GPR15: variants seen among roughly 807,000 people sequenced by gnomAD.
GPR15 encodes the protein brother of Bonzo.
A neutral mutation model predicts 19.3 loss-of-function variants in GPR15; 16 were observed. The ratio of observed to expected loss-of-function variants is 0.83; its 90% CI spans 0.56 to 1.26. The LOEUF is 1.26. Ranked by LOEUF, GPR15 falls within the 50% of genes most tolerant of loss-of-function variation. The pLI is 0.00. For missense variants in GPR15, 458 were observed against 429.4 expected (o/e 1.07, Z -0.59); for synonymous variants, 170 against 171.2 (o/e 0.99, Z 0.05).
chr3:98,532,979 T>C lies in GPR15; in HGVS notation c.946T>C (p.Cys316Arg). 2.5e-6 allele frequency: 4 copies of C among 1,614,138 alleles called. No homozygotes were observed. Among genetic ancestry groups the C allele is most frequent in the Non-Finnish European group, 3.4e-6 (4 of 1,180,030 alleles). Residue 316 changes from cysteine to arginine, a missense_variant, in exon 1 of 1, where the codon TGC becomes CGC. Coordinates refer to ENST00000284311, the MANE Select transcript of GPR15 (RefSeq NM_005290.4). ...CTACATCCGCCGGGCCATTGTCCAC[T>C]GCTTGTGCCCTTGCCTGAAAAACTA... is the stretch of plus-strand genomic sequence containing the variant. The part of the protein sequence containing the change: ...DSYIRRAIVH[C>R]LCPCLKNYDF...
At position 98,534,436 on chromosome 3, in the gene GPR15, T is replaced by C. The variant is rs1706682081; in HGVS notation, c.*1320T>C. ...TATGTTTTTACCTCCACTGTTGACT[T>C]GAATGAATTACCATTTTACTTCTAA... On this transcript the variant is annotated 3_prime_UTR_variant, in exon 1 of 1. Transcript: ENST00000284311. Among the ~76,000 whole-genome samples the C allele has an allele frequency of 6.6e-6, 1 of 152,206 alleles. No individual in the cohort carries two copies. The highest frequency in any genetic ancestry group is 1.5e-5 in the Non-Finnish European group (1 of 68,020).
Position 98,532,671 on chromosome 3 carries a change from C to CA in GPR15, c.638_639insA (p.Cys214LeufsTer112). 6.2e-7 allele frequency: 1 copy of CA among 1,614,150 alleles called. No individual in the cohort carries two copies. The highest frequency in any genetic ancestry group is 8.5e-7 in the Non-Finnish European group (1 of 1,180,026). On this transcript the variant is annotated frameshift_variant, in exon 1 of 1. Transcript: ENST00000284311. LOFTEE classifies it high-confidence loss of function. ...TTTGTCCCTTTGTTGAGCATTGTGA[C>CA]CTGCTACTGTTGCATTGCAAGGAAG... is the stretch of plus-strand genomic sequence containing the variant.
Position 98,532,047 on chromosome 3 carries a change from A to T in GPR15, c.14A>T (p.Glu5Val), listed in dbSNP as rs1706641091. Residue 5 changes from glutamate to valine, a missense_variant, in exon 1 of 1, where the codon GAA becomes GTA. Transcript: ENST00000284311. MDPE[E>V]TSVYLDYYYA... Reference sequence around the variant, plus strand: ...TGCTCTTTGGTGATGGACCCAGAAGAAACTTCAGTTTATTTGGATTATTAC... The same window carrying T: ...TGCTCTTTGGTGATGGACCCAGAAGTAACTTCAGTTTATTTGGATTATTAC... 1 of 1,606,554 alleles carries T rather than the reference A, an allele frequency of 6.2e-7. No individual in the cohort carries two copies. Among genetic ancestry groups the T allele is most frequent in the Non-Finnish European group, 8.5e-7 (1 of 1,174,372 alleles).
rs1193977036 is a variant in GPR15 at position 98,532,013 on chromosome 3, T to A, written c.-21T>A. The A allele has an allele frequency of 1.9e-6, 3 of 1,580,280 alleles. No individual in the cohort carries two copies. In the East Asian group the frequency reaches 6.8e-5, roughly 36 times the overall value. ...ATCATATGTAAGTAAACTCACCAGA[T>A]TTGGCATCTGCTCTTTGGTGATGGA... On this transcript the variant is annotated 5_prime_UTR_variant, in exon 1 of 1. Transcript: ENST00000284311.
chr3:98,533,217 A>AT lies in GPR15; in HGVS notation c.*101_*102insT. On this transcript the variant is annotated 3_prime_UTR_variant, in exon 1 of 1. Coordinates refer to ENST00000284311, the MANE Select transcript of GPR15 (RefSeq NM_005290.4). ...AATGATAGGATTCACATTGCTTCATAGATGCAAGGAAGAGTTCATTTTTAA... is the reference window on the plus strand; with the variant it reads ...AATGATAGGATTCACATTGCTTCATATGATGCAAGGAAGAGTTCATTTTTAA... 7 of 1,250,062 alleles carry AT rather than the reference A, an allele frequency of 5.6e-6. No homozygotes were observed. The highest frequency in any genetic ancestry group is 7.7e-6 in the Non-Finnish European group (7 of 913,940). 77.4% of individuals were successfully genotyped at this position (1,250,062 alleles called of 1,614,324 possible).
Position 98,532,737 on chromosome 3 carries a change from A to G in GPR15, c.704A>G (p.Lys235Arg). 6.2e-7 allele frequency: 1 copy of G among 1,614,060 alleles called. No individual in the cohort carries two copies. The change falls in exon 1 of 1, where the codon AAG becomes AGG. Residue 235 changes from lysine to arginine, a missense_variant. Transcript: ENST00000284311. ...HYQQSGKHNK[K>R]LKKSIKIIFI... is the part of the protein sequence containing the mutation. ...CAGCAATCAGGAAAGCACAACAAAA[A>G]GCTGAAGAAATCTATAAAGATCATC...
rs931537561 is a variant in GPR15, at chr3:98,534,413, T to C, written c.*1297T>C. Among the ~76,000 whole-genome samples, 1 of 152,210 alleles carries C rather than the reference T, an allele frequency of 6.6e-6. No homozygotes were observed. The highest frequency in any genetic ancestry group is 2.4e-5 in the African/African-American group (1 of 41,450). ...TTTTGATTCAAGGGAAAGCGGGTTA[T>C]GTTTTTACCTCCACTGTTGACTTGA... On this transcript the variant is annotated 3_prime_UTR_variant, in exon 1 of 1. Coordinates refer to ENST00000284311, the MANE Select transcript of GPR15 (RefSeq NM_005290.4).
In GPR15 at chr3:98,534,164, C is replaced by T. The variant is rs1173151432; in HGVS notation, c.*1048C>T. On this transcript the variant is annotated 3_prime_UTR_variant, in exon 1 of 1. Transcript: ENST00000284311. ...AGATCCAGTAATATAGGGAGACAGG[C>T]TGCTCTGTATTCAGCCAAAGTAGAA... is the stretch of plus-strand genomic sequence containing the variant. 2.0e-5 allele frequency among the ~76,000 whole-genome samples: 3 copies of T among 152,138 alleles called. No homozygotes were observed. Among genetic ancestry groups the T allele is most frequent in the East Asian group, 1.9e-4 (1 of 5,200 alleles).
rs746047800 is a variant in GPR15 at position 98,532,204 on chromosome 3, G to A, written c.171G>A (p.Ala57=). The change falls in exon 1 of 1, where the codon GCG becomes GCA. Residue 57 remains alanine, a synonymous_variant. Coordinates refer to ENST00000284311, the MANE Select transcript of GPR15 (RefSeq NM_005290.4). The stretch of plus-strand genomic sequence containing the variant: ...TGGGGAACCTTGTTCTCATGGGAGC[G>A]TTGCATTTCAAACCCGGCAGCCGAA... ...GVLGNLVLMG[A]LHFKPGSRRL... The A allele has an allele frequency of 3.1e-6, 5 of 1,613,920 alleles. No individual in the cohort carries two copies. The highest frequency in any genetic ancestry group is 1.1e-5 in the South Asian group (1 of 91,070).
At position 98,532,863 on chromosome 3, in the gene GPR15, C is replaced by T. The variant is rs762768983; in HGVS notation, c.830C>T (p.Ser277Leu). 87 of 1,614,020 alleles carry T rather than the reference C, an allele frequency of 5.4e-5. No individual in the cohort carries two copies. The highest frequency in any genetic ancestry group is 1.6e-4 in the Middle Eastern group (1 of 6,082). Residue 277 changes from serine (S) to leucine (L), a missense_variant, in exon 1 of 1, where the codon TCA (serine) becomes TTA (leucine). By Grantham distance (145) the Ser-to-Leu change is moderately radical. Transcript: ENST00000284311. ...TTGCGGCAAGAACACTATTTACCCT[C>T]AGCTATTCTTCAGCTTGGTATGGAG... ...SGLRQEHYLPSAILQLGMEVS... is the reference protein window; with the variant it reads ...SGLRQEHYLPLAILQLGMEVS...
chr3:98,532,898 C>G lies in GPR15; in HGVS notation c.865C>G (p.Pro289Ala). The G allele has an allele frequency of 6.2e-7, 1 of 1,614,090 alleles. No homozygotes were observed. The highest frequency in any genetic ancestry group is 1.1e-5 in the South Asian group (1 of 91,074). The change falls in exon 1 of 1, where the codon CCC (proline) becomes GCC (alanine). Residue 289 changes from proline to alanine, a missense_variant. Coordinates refer to ENST00000284311, the MANE Select transcript of GPR15 (RefSeq NM_005290.4). ...ILQLGMEVSG[P>A]LAFANSCVNP... ...TCAGCTTGGTATGGAGGTGAGTGGA[C>G]CCTTGGCATTTGCCAACAGCTGTGT...
At position 98,532,428 on chromosome 3, in the gene GPR15, A is replaced by G; in HGVS notation, c.395A>G (p.Tyr132Cys). The change falls in exon 1 of 1, where the codon TAC (tyrosine) becomes TGC (cysteine). Residue 132 changes from tyrosine (Y) to cysteine (C), a missense_variant. By Grantham distance (194) the Tyr-to-Cys change is radical. Coordinates refer to ENST00000284311, the MANE Select transcript of GPR15 (RefSeq NM_005290.4). Reference protein sequence around the residue: ...LLLTCMSVDRYLAIVWPVVSR... With the variant: ...LLLTCMSVDRCLAIVWPVVSR... The stretch of plus-strand genomic sequence containing the variant: ...CTCACTTGCATGAGTGTTGACCGCT[A>G]CCTGGCCATTGTGTGGCCAGTCGTA... The G allele has an allele frequency of 2.5e-6, 4 of 1,614,124 alleles. No homozygotes were observed. Among genetic ancestry groups the G allele is most frequent in the Non-Finnish European group, 2.5e-6 (3 of 1,180,006 alleles).
In GPR15 at chr3:98,532,714, G is replaced by A; in HGVS notation, c.681G>A (p.Gln227=). The A allele has an allele frequency of 1.2e-6, 2 of 1,614,050 alleles. No individual in the cohort carries two copies. The highest frequency in any genetic ancestry group is 1.7e-6 in the Non-Finnish European group (2 of 1,179,972). The change falls in exon 1 of 1, where the codon CAG becomes CAA. Residue 227 remains glutamine, a synonymous_variant. Transcript: ENST00000284311. Reference sequence around the variant, plus strand: ...CAAGGAAGCTGTGTGCCCATTACCAGCAATCAGGAAAGCACAACAAAAAGC... The same window carrying A: ...CAAGGAAGCTGTGTGCCCATTACCAACAATCAGGAAAGCACAACAAAAAGC... ...CIARKLCAHY[Q]QSGKHNKKLK... is the part of the protein sequence containing the mutation.
chr3:98,534,269 T>C lies in GPR15; in HGVS notation c.*1153T>C, dbSNP rs769652710. On this transcript the variant is annotated 3_prime_UTR_variant, in exon 1 of 1. Coordinates refer to ENST00000284311, the MANE Select transcript of GPR15 (RefSeq NM_005290.4). ...AACCTTCTTGAATTCCTTTACCCAA[T>C]AAATATTTATTGAGTCAATTTGTAC... Among the ~76,000 whole-genome samples the C allele has an allele frequency of 4.6e-5, 7 of 152,190 alleles. No individual in the cohort carries two copies. Among genetic ancestry groups the C allele is most frequent in the Non-Finnish European group, 1.0e-4 (7 of 67,998 alleles).
rs748055626 is a variant in GPR15, at chr3:98,532,144, A to G, written c.111A>G (p.Pro37=). ...TTCCTTACACCTCTGTCTTCCTTCCAGTCTTTTACACAGCTGTGTTCCTGA... is the reference window on the plus strand; with the variant it reads ...TTCCTTACACCTCTGTCTTCCTTCCGGTCTTTTACACAGCTGTGTTCCTGA... ...SHVPYTSVFL[P]VFYTAVFLTG... is the part of the protein sequence containing the mutation. Residue 37 remains proline (P), a synonymous_variant, in exon 1 of 1, where the codon CCA becomes CCG. Coordinates refer to ENST00000284311, the MANE Select transcript of GPR15 (RefSeq NM_005290.4). 1.2e-6 allele frequency: 2 copies of G among 1,614,164 alleles called. No individual in the cohort carries two copies. Among genetic ancestry groups the G allele is most frequent in the Non-Finnish European group, 1.7e-6 (2 of 1,180,026 alleles).
At position 98,534,332 on chromosome 3, in the gene GPR15, T is replaced by TG. The variant is rs773055881; in HGVS notation, c.*1216_*1217insG. ...TGAAGACTTTGATGTGAAAAACATG[T>TG]AATTAGTGGCAACCACAAAAGACTC... On this transcript the variant is annotated 3_prime_UTR_variant, in exon 1 of 1. Transcript: ENST00000284311. Among the ~76,000 whole-genome samples the TG allele has an allele frequency of 2.0e-5, 3 of 152,236 alleles. No homozygotes were observed. The highest frequency in any genetic ancestry group is 4.4e-5 in the Non-Finnish European group (3 of 68,028).
rs1706657613 is a variant in GPR15, at chr3:98,532,744, G to T, written c.711G>T (p.Lys237Asn). The change falls in exon 1 of 1, where the codon AAG (lysine) becomes AAT (asparagine). Residue 237 changes from lysine to asparagine, a missense_variant. Lys to Asn is a moderately conservative substitution (Grantham distance 94). Transcript: ENST00000284311. ...CAGGAAAGCACAACAAAAAGCTGAA[G>T]AAATCTATAAAGATCATCTTTATTG... is the stretch of plus-strand genomic sequence containing the variant. ...QQSGKHNKKL[K>N]KSIKIIFIVV... 1 of 1,613,994 alleles carries T rather than the reference G, an allele frequency of 6.2e-7. No individual in the cohort carries two copies. Among genetic ancestry groups the T allele is most frequent in the Non-Finnish European group, 8.5e-7 (1 of 1,179,904 alleles).
chr3:98,533,018 A>G lies in GPR15; in HGVS notation c.985A>G (p.Ser329Gly). Residue 329 changes from serine (S) to glycine (G), a missense_variant, in exon 1 of 1, where the codon AGC (serine) becomes GGC (glycine). Coordinates refer to ENST00000284311, the MANE Select transcript of GPR15 (RefSeq NM_005290.4). Reference sequence around the variant, plus strand: ...CCTGAAAAACTATGACTTTGGGAGTAGCACTGAGACATCAGATAGTCACCT... The same window carrying G: ...CCTGAAAAACTATGACTTTGGGAGTGGCACTGAGACATCAGATAGTCACCT... The part of the protein sequence containing the change: ...PCLKNYDFGS[S>G]TETSDSHLTK... The G allele has an allele frequency of 1.2e-6, 2 of 1,614,096 alleles. No homozygotes were observed. The highest frequency in any genetic ancestry group is 1.1e-5 in the South Asian group (1 of 91,076).
chr3:98,532,611 T>G lies in GPR15; in HGVS notation c.578T>G (p.Leu193Arg). 9 of 1,614,188 alleles carry G rather than the reference T, an allele frequency of 5.6e-6. No homozygotes were observed. The highest frequency in any genetic ancestry group is 7.6e-6 in the Non-Finnish European group (9 of 1,180,036). ...GAGAAAAAGGCAACTCCAATTAAAC[T>G]CATATGGTCCCTGGTGGCCTTAATT... ...CAEKKATPIKLIWSLVALIFT... is the reference protein window; with the variant it reads ...CAEKKATPIKRIWSLVALIFT... Residue 193 changes from leucine (L) to arginine (R), a missense_variant, in exon 1 of 1, where the codon CTC (leucine) becomes CGC (arginine). By Grantham distance (102) the Leu-to-Arg change is moderately radical (BLOSUM62 -2). Coordinates refer to ENST00000284311, the MANE Select transcript of GPR15 (RefSeq NM_005290.4).
Sources: allele counts gnomAD v4.1 joint callset (sites outside exome capture counted in the v4.1 genomes callset), GRCh38; gene constraint gnomAD v4.1.1; transcripts MANE v1.5; gene names NCBI Gene and HGNC (gene_info 2026-07-23, HGNC 2026-07-21).